The following ZNF782 variants were observed in gnomAD, a reference collection of about 807,000 sequenced individuals.
ZNF782 encodes the protein zinc finger protein 782.
A neutral mutation model predicts 13.0 loss-of-function variants in ZNF782; 12 were observed. That is an observed-to-expected ratio of 0.92 (90% CI 0.59 to 1.50). ZNF782 has a LOEUF of 1.50. Ranked by LOEUF, ZNF782 falls within the 40% of genes most tolerant of loss-of-function variation. ZNF782 has a pLI of 0.00. For missense variants in ZNF782, 770 were observed against 822.9 expected (o/e 0.94, Z 0.79); for synonymous variants, 284 against 283.0 (o/e 1.00, Z -0.04).
chr9:96,913,314 C>A, the ZNF782 span, among the ~76,000 whole-genome samples: 1 of 151,722 alleles, frequency 6.6e-6, no homozygotes, highest in Non-Finnish European at 1.5e-5. Flanking sequence ...GACTCCATTT[C>A]AAAAAATTTT....
intron 4 of ZNF782, among the ~76,000 whole-genome samples, chr9:96,833,452 A>G (rs1488074984): frequency 6.6e-6 from 1 of 152,196 alleles, no homozygotes; most frequent in Non-Finnish European, 1.5e-5. Context: ...AGGACATTGT[A>G]GAATGTTCTT....
the ZNF782 span, among the ~76,000 whole-genome samples, chr9:96,911,710 C>T: frequency 7.3e-5 from 11 of 151,234 alleles, no homozygotes; most frequent in East Asian, 6.1e-4. Flanking sequence ...TTAGTAGAGA[C>T]GGGGTTTCAC....
chr9:96,922,771 C>T, the ZNF782 span, among the ~76,000 whole-genome samples: 1 of 150,950 alleles, frequency 6.6e-6, no homozygotes, highest in Non-Finnish European at 1.5e-5. Flanking sequence ...GAGACTCCGT[C>T]TCAAAAAAAA....
intron 2 of ZNF782, chr9:96,861,485 C>T (rs1851702365): frequency 6.5e-6 from 1 of 153,900 alleles, no homozygotes; most frequent in African/African-American, 2.4e-5. Flanking sequence ...GGGGCATGTG[C>T]CTGTAGTTTC....
chr9:96,846,879 G>A (rs995932564), intron 3 of ZNF782, among the ~76,000 whole-genome samples: 1 of 152,118 alleles, frequency 6.6e-6, no homozygotes, highest in African/African-American at 2.4e-5. Context: ...AAGAACTGCA[G>A]AATATACATT....
intron 3 of ZNF782, among the ~76,000 whole-genome samples, chr9:96,846,191 A>G (rs1851335797): frequency 3.3e-5 from 5 of 152,208 alleles, no homozygotes; most frequent in Admixed American, 3.3e-4. Flanking sequence ...AAATGCTAAA[A>G]AGAGTTCTAA....
the ZNF782 span, among the ~76,000 whole-genome samples, chr9:96,933,134 T>C: frequency 1.3e-5 from 2 of 151,608 alleles, no homozygotes; most frequent in East Asian, 2.0e-4. Context: ...CCCGCCACCA[T>C]GCCCGGCTAA....
chr9:96,884,740 T>C, the ZNF782 span, among the ~76,000 whole-genome samples: 1 of 152,136 alleles, frequency 6.6e-6, no homozygotes, highest in Admixed American at 6.5e-5. Context: ...AGTGCCCCAT[T>C]TTTACCAGGA....
the ZNF782 span, among the ~76,000 whole-genome samples, chr9:96,881,458 C>T: frequency 6.6e-6 from 1 of 152,064 alleles, no homozygotes; most frequent in Non-Finnish European, 1.5e-5. Context: ...GTAAATGATA[C>T]AAATTGTGAA....
chr9:96,818,685 C>T lies in ZNF782; in HGVS notation c.1338G>A (p.Gly446=), dbSNP rs1850278127. 16 of 1,614,082 alleles carry T rather than the reference C, an allele frequency of 9.9e-6. No homozygotes were observed. The highest frequency in any genetic ancestry group is 1.2e-5 in the Non-Finnish European group (14 of 1,180,024). The change falls in exon 6 of 6, where the codon GGG becomes GGA. Residue 446 remains glycine (G), a synonymous_variant. Transcript: ENST00000481138. ...GLRIHQRTHT[G]EKPFECHECG... ...ATTCATGACATTCGAATGGTTTCTC[C>T]CCTGTGTGGGTTCTCTGGTGTATTC...
the ZNF782 span, among the ~76,000 whole-genome samples, chr9:96,931,070 T>C: frequency 6.6e-6 from 1 of 151,620 alleles, no homozygotes; most frequent in Non-Finnish European, 1.5e-5. Flanking sequence ...TGTATTTTAG[T>C]AGAGATGGGG....
At chr9:96,919,673 C>A in the ZNF782 span, among the ~76,000 whole-genome samples, 1 of 148,164 alleles carries the variant, frequency 6.7e-6, no homozygotes, top group Non-Finnish European at 1.5e-5. Context: ...AGGCGATTCT[C>A]CTGCCTCAGC....
At chr9:96,858,698 TTTTGTTTG>T (rs148625390), upstream of ZNF782, among the ~76,000 whole-genome samples, 1,387 of 151,872 alleles carry the variant, frequency 9.1e-3, 45 homozygotes, top group East Asian at 0.1. This position sits in a 1 kb window ranked among gnomAD's most constrained non-coding sequence, Gnocchi z 4.4. Context: ...TGGCGCGAGG[TTTTGTTTG>T]TTTGTTTGTT....
At chr9:96,869,525 C>A (rs1363013493) in intron 1 of ZNF782, among the ~76,000 whole-genome samples, 1 of 152,158 alleles carries the variant, frequency 6.6e-6, no homozygotes. Flanking sequence ...AGCCAAGAGA[C>A]CTGCACTTAG....
rs376858265 is a variant in ZNF782, at chr9:96,866,631, C to G, written c.-456-5028G>C. ...GGAGCTATGAGAAGAGGGCCACCAT[C>G]CTTCAGACCCCAGAATGGTAGATCC... On this transcript the variant is annotated intron_variant, in intron 1 of 5. Transcript: ENST00000498811. 2.0e-5 allele frequency among the ~76,000 whole-genome samples: 3 copies of G among 152,312 alleles called. No individual in the cohort carries two copies. In the East Asian group the frequency reaches 5.8e-4, roughly 29 times the overall value.
At chr9:96,872,624 G>C (rs1490243980) in intron 1 of ZNF782, among the ~76,000 whole-genome samples, 3 of 152,116 alleles carry the variant, frequency 2.0e-5, no homozygotes, top group South Asian at 2.1e-4. Flanking sequence ...AGTCAGTCTT[G>C]ATATGTCTTA....
chr9:96,889,612 G>A, the ZNF782 span: 3 of 152,174 alleles, frequency 2.0e-5, no homozygotes, highest in African/African-American at 4.8e-5. Flanking sequence ...CGTTGGTCAG[G>A]CTGGTCTCGA....
At chr9:96,885,930 C>T in the ZNF782 span, among the ~76,000 whole-genome samples, 62 of 152,176 alleles carry the variant, frequency 4.1e-4, no homozygotes, top group African/African-American at 1.5e-3. Flanking sequence ...TTACTTCAGC[C>T]TCAACCTCCC....
chr9:96,858,363 C>T (rs973160132), upstream of ZNF782, among the ~76,000 whole-genome samples: 1 of 152,116 alleles, frequency 6.6e-6, no homozygotes, highest in Admixed American at 6.5e-5. This position sits in a 1 kb window ranked among gnomAD's most constrained non-coding sequence, Gnocchi z 4.4. Flanking sequence ...CAAGAGCTTC[C>T]TAGGGCACTC....
Sources: gnomAD v4.1 joint callset for allele counts (sites outside exome capture counted in the v4.1 genomes callset) on GRCh38, gnomAD v4.1.1 for gene constraint, Gnocchi (gnomAD v3.1) non-coding constraint, MANE v1.5 for transcripts, NCBI Gene and HGNC (gene_info 2026-07-23, HGNC 2026-07-21) for gene names.